The following RRH variants were observed in gnomAD, a reference collection of about 807,000 sequenced individuals.
RRH encodes visual pigment-like receptor peropsin.
A neutral mutation model predicts 33.1 loss-of-function variants in RRH; 36 were observed. That is an observed-to-expected ratio of 1.09 (90% CI 0.83 to 1.44). The LOEUF (loss-of-function observed/expected upper bound fraction) is 1.44, where lower values mean the gene tolerates loss of function less well. Among genes scored for constraint, RRH ranks in the 40% most tolerant of loss-of-function variants. RRH has a pLI of 0.00. For synonymous variants in RRH, 124 were observed against 140.2 expected (o/e 0.88, Z 0.82); for missense variants, 393 against 420.2 (o/e 0.94, Z 0.57).
At chr4:109,841,226 A>G (rs1010732782) in intron 5 of RRH, among the ~76,000 whole-genome samples, 4 of 152,118 alleles carry the variant, frequency 2.6e-5, no homozygotes, top group African/African-American at 9.7e-5. Flanking sequence ...CTAGGTAACT[A>G]TATCTTTAGG....
chr4:109,844,456 C>G lies in RRH; in HGVS notation c.*259C>G. ...AGGTTAAGGTCCCCTTTCTTTCTCC[C>G]TATTATGGCATGCATTACACTGTAC... On this transcript the variant is annotated 3_prime_UTR_variant, in exon 7 of 7. Coordinates refer to ENST00000317735, the MANE Select transcript of RRH (RefSeq NM_006583.5). The G allele has an allele frequency of 2.6e-6, 1 of 391,286 alleles. No homozygotes were observed. 24.2% of individuals were successfully genotyped at this position (391,286 alleles called of 1,614,324 possible).
intron 5 of RRH, among the ~76,000 whole-genome samples, chr4:109,838,460 A>C (rs1346921224): frequency 6.7e-6 from 1 of 149,518 alleles, no homozygotes; most frequent in Admixed American, 6.7e-5. Flanking sequence ...GGATGCTTTC[A>C]CCTCCTTCCA....
intron 1 of RRH, among the ~76,000 whole-genome samples, chr4:109,829,854 C>T (rs1733713260): frequency 1.3e-5 from 2 of 152,140 alleles, no homozygotes; most frequent in South Asian, 2.1e-4. Flanking sequence ...CTGAAGGAAG[C>T]ATAGCTGAAC....
Position 109,835,363 on chromosome 4 carries a change from CA to C in RRH, c.298-2del. The C allele has an allele frequency of 6.2e-7, 1 of 1,611,894 alleles. No homozygotes were observed. The highest frequency in any genetic ancestry group is 1.1e-5 in the South Asian group (1 of 91,040). ...GTAGAGTCTTTTCAATTTTGGTTTT[CA>C]GGTTTATGCTGGATTGAATATTTTT... On this transcript the variant is annotated splice_acceptor_variant, in intron 2 of 6. Transcript: ENST00000317735. LOFTEE classifies it high-confidence loss of function.
At chr4:109,842,172 A>G (rs1350803245) in intron 5 of RRH, among the ~76,000 whole-genome samples, 2 of 151,494 alleles carry the variant, frequency 1.3e-5, no homozygotes, top group Admixed American at 6.6e-5. Context: ...CAGCTTTTGT[A>G]CTCTCCCCTA....
In RRH at chr4:109,837,506, C is replaced by G. The variant is rs1733908121; in HGVS notation, c.621C>G (p.Tyr207Ter). The G allele has an allele frequency of 1.2e-6, 2 of 1,613,180 alleles. No individual in the cohort carries two copies. The highest frequency in any genetic ancestry group is 8.5e-7 in the Non-Finnish European group (1 of 1,179,128). The change falls in exon 5 of 7, where the codon TAC (tyrosine) becomes TAG (stop). Residue 207 changes from tyrosine to a stop codon, truncating the protein, a stop_gained. Coordinates refer to ENST00000317735, the MANE Select transcript of RRH (RefSeq NM_006583.5). LOFTEE classifies it high-confidence loss of function. ...TTGTGCCCTTGACAGTGATGTTTTACTGCTATTACCATGTCACGCTATCCA... is the reference window on the plus strand; with the variant it reads ...TTGTGCCCTTGACAGTGATGTTTTAGTGCTATTACCATGTCACGCTATCCA... The part of the protein sequence containing the change: ...NFIVPLTVMF[Y>*]CYYHVTLSIK...
intron 1 of RRH, among the ~76,000 whole-genome samples, chr4:109,830,095 T>TA (rs1458316774): frequency 5.3e-5 from 8 of 152,232 alleles, no homozygotes; most frequent in Non-Finnish European, 1.2e-4. Context: ...TATAAACTGT[T>TA]ACAACTTCCA....
At position 109,830,687 on chromosome 4, in the gene RRH, G is replaced by A. The variant is rs544425172; in HGVS notation, c.107-2452G>A. 3.9e-5 allele frequency among the ~76,000 whole-genome samples: 6 copies of A among 152,190 alleles called. No homozygotes were observed. In the East Asian group the frequency reaches 9.7e-4, roughly 25 times the overall value. The stretch of plus-strand genomic sequence containing the variant: ...GCTGGACACATGGGTTTGAGTGTCC[G>A]GAGGCTGAAAAATATCAGGGTATAG... On this transcript the variant is annotated intron_variant, in intron 1 of 6. Transcript: ENST00000317735.
At chr4:109,841,795 G>C (rs1350407432) in intron 5 of RRH, among the ~76,000 whole-genome samples, 1 of 151,878 alleles carries the variant, frequency 6.6e-6, no homozygotes, top group Non-Finnish European at 1.5e-5. Flanking sequence ...TGTCCTTATG[G>C]TTTTATGTCT....
Position 109,842,584 on chromosome 4 carries a change from C to T in RRH, c.836C>T (p.Ala279Val), listed in dbSNP as rs1734005958. The T allele has an allele frequency of 6.2e-7, 1 of 1,614,068 alleles. No individual in the cohort carries two copies. Among genetic ancestry groups the T allele is most frequent in the Non-Finnish European group, 8.5e-7 (1 of 1,179,930 alleles). The change falls in exon 6 of 7, where the codon GCT becomes GTT. Residue 279 changes from alanine (A) to valine (V), a missense_variant. Ala to Val is a moderately conservative substitution (Grantham distance 64). Transcript: ENST00000317735. ...KKIPPPMAII[A>V]PLFAKSSTFY... The stretch of plus-strand genomic sequence containing the variant: ...ATTCCTCCCCCCATGGCCATCATAG[C>T]TCCACTGTTTGCAAAATCTTCTACA...
intron 1 of RRH, among the ~76,000 whole-genome samples, chr4:109,831,842 A>T (rs910128834): frequency 6.6e-6 from 1 of 152,146 alleles, no homozygotes; most frequent in Non-Finnish European, 1.5e-5. Context: ...GAGAAGAACC[A>T]TGGTTAAGTC....
chr4:109,830,719 G>T (rs1733730554), intron 1 of RRH, among the ~76,000 whole-genome samples: 1 of 152,068 alleles, frequency 6.6e-6, no homozygotes. Flanking sequence ...ATAGCCTTGG[G>T]TATGAAGAAA....
intron 1 of RRH, among the ~76,000 whole-genome samples, chr4:109,830,794 A>G (rs530070734): frequency 6.6e-6 from 1 of 152,296 alleles, no homozygotes; most frequent in South Asian, 2.1e-4. Flanking sequence ...GACAATGCAC[A>G]TATTTAATAA....
At chr4:109,829,051 C>G (rs1460055604) in intron 1 of RRH, among the ~76,000 whole-genome samples, 1 of 151,778 alleles carries the variant, frequency 6.6e-6, no homozygotes, top group Non-Finnish European at 1.5e-5. Flanking sequence ...CAACTTTATA[C>G]TCTAACGAGT....
At chr4:109,841,315 C>T (rs1230175183) in intron 5 of RRH, among the ~76,000 whole-genome samples, 1 of 152,132 alleles carries the variant, frequency 6.6e-6, no homozygotes, top group Admixed American at 6.6e-5. Context: ...TTTTCACACT[C>T]AGTGCAGGGA....
At chr4:109,842,092 A>G (rs557696632) in intron 5 of RRH, among the ~76,000 whole-genome samples, 109 of 152,302 alleles carry the variant, frequency 7.2e-4, no homozygotes, top group African/African-American at 2.2e-3. Context: ...AATAATAGCC[A>G]TGCCAGGAGT....
At chr4:109,837,681 C>A (rs1560585176) in intron 5 of RRH, 76 bp downstream of exon 5, 1 of 1,116,278 alleles carries the variant, frequency 9.0e-7, no homozygotes, top group Non-Finnish European at 1.3e-6. Context: ...TCCCTGGGAC[C>A]ACCGCAGTCT....
chr4:109,837,658 A>G, intron 5 of RRH, 53 bp downstream of exon 5: 1 of 1,454,430 alleles, frequency 6.9e-7, no homozygotes, highest in Non-Finnish European at 9.5e-7. Context: ...TTACCCACTC[A>G]TAGTTGAAAG....
At chr4:109,833,376 A>G (rs1733803093) in intron 2 of RRH, 47 bp downstream of exon 2, 1 of 1,449,400 alleles carries the variant, frequency 6.9e-7, no homozygotes, top group Non-Finnish European at 9.6e-7. Context: ...GATCAAATAA[A>G]TGTAAATTTA....
Sources: allele counts gnomAD v4.1 joint callset (sites outside exome capture counted in the v4.1 genomes callset), GRCh38; gene constraint gnomAD v4.1.1; transcripts MANE v1.5; gene names NCBI Gene and HGNC (gene_info 2026-07-23, HGNC 2026-07-21).